The following CFAP54 variants were observed in gnomAD, a reference collection of about 807,000 sequenced individuals.
The protein encoded by CFAP54 is cilia- and flagella-associated protein 54.
CFAP54 carries 290 observed loss-of-function variants against 370.4 expected under a neutral mutation model. That is an observed-to-expected ratio of 0.78 (90% CI 0.71 to 0.86). CFAP54 has a LOEUF of 0.86. CFAP54 is among the 40% of genes least tolerant of loss of function. CFAP54 has a pLI of 0.00. For synonymous variants in CFAP54, 1,206 were observed against 1,236.5 expected, an observed-to-expected ratio of 0.98 and a Z score of 0.52; for missense variants, 3,399 against 3,528.7, an observed-to-expected ratio of 0.96 and a Z score of 0.93.
At chr12:96,859,631 T>C (rs1320014293) in intron 66 of CFAP54, among the ~76,000 whole-genome samples, 2 of 152,142 alleles carry the variant, frequency 1.3e-5, no homozygotes, top group East Asian at 1.9e-4. Context: ...GGTCTTGAAC[T>C]CCTGACCTTG....
chr12:96,699,246 G>A (rs1288635409), intron 45 of CFAP54, among the ~76,000 whole-genome samples: 1 of 152,200 alleles, frequency 6.6e-6, no homozygotes, highest in East Asian at 1.9e-4. Flanking sequence ...CCGCAGAAAA[G>A]GTGGGGGTTT....
At chr12:96,868,797 G>C (rs1417642303) in intron 67 of CFAP54, among the ~76,000 whole-genome samples, 1 of 151,934 alleles carries the variant, frequency 6.6e-6, no homozygotes, top group Non-Finnish European at 1.5e-5. Flanking sequence ...GCATTCACTG[G>C]GAGTCAACCA....
At position 96,489,840 on chromosome 12, in the gene CFAP54, G is replaced by A. The variant is rs535469302; in HGVS notation, c.231G>A (p.Lys77=). The change falls in exon 1 of 68, where the codon AAG becomes AAA. Residue 77 remains lysine, a synonymous_variant. Transcript: ENST00000524981. ...ACCCGCTCCTGGCCTCTTGTGAGAAGGAGATCCAGGAGTTGTTAGGCTTTA... is the reference window on the plus strand; with the variant it reads ...ACCCGCTCCTGGCCTCTTGTGAGAAAGAGATCCAGGAGTTGTTAGGCTTTA... ...AKNPLLASCE[K]EIQELLGFMR... The A allele has an allele frequency of 1.1e-5, 17 of 1,536,164 alleles. No individual in the cohort carries two copies. The South Asian group carries it at 1.9e-4, about 17-fold the overall frequency.
intron 23 of CFAP54, among the ~76,000 whole-genome samples, chr12:96,592,007 A>G (rs1486074445): frequency 6.6e-6 from 1 of 151,958 alleles, no homozygotes; most frequent in Non-Finnish European, 1.5e-5. Flanking sequence ...GTAATCGAAC[A>G]TGAATTTGTA....
chr12:96,797,967 A>G (rs147743983), intron 63 of CFAP54, among the ~76,000 whole-genome samples: 12 of 151,838 alleles, frequency 7.9e-5, no homozygotes, highest in Admixed American at 7.2e-4. Flanking sequence ...TTTCACTATA[A>G]GTTTTGAAAT....
intron 66 of CFAP54, among the ~76,000 whole-genome samples, chr12:96,837,851 G>A (rs911477873): frequency 6.6e-6 from 1 of 152,184 alleles, no homozygotes; most frequent in Non-Finnish European, 1.5e-5. Context: ...ACAGATTAGT[G>A]GGGGAGACAG....
intron 26 of CFAP54, among the ~76,000 whole-genome samples, chr12:96,618,271 A>G (rs531678241): frequency 6.6e-6 from 1 of 152,330 alleles, no homozygotes; most frequent in South Asian, 2.1e-4. Flanking sequence ...AAACCAATTC[A>G]GCTTATCGAC....
At chr12:96,517,393 T>C (rs1449559912) in intron 5 of CFAP54, among the ~76,000 whole-genome samples, 1 of 152,226 alleles carries the variant, frequency 6.6e-6, no homozygotes, top group Non-Finnish European at 1.5e-5. Context: ...GAACAATTGT[T>C]AACTGAAGCT....
intron 44 of CFAP54, among the ~76,000 whole-genome samples, chr12:96,692,885 A>G (rs1393378267): frequency 6.6e-6 from 1 of 152,120 alleles, no homozygotes; most frequent in Non-Finnish European, 1.5e-5. Flanking sequence ...CTTCCACTCC[A>G]TCTTCCTTTG....
intron 22 of CFAP54, among the ~76,000 whole-genome samples, chr12:96,583,718 G>C (rs1329384990): frequency 6.6e-6 from 1 of 152,204 alleles, no homozygotes; most frequent in Non-Finnish European, 1.5e-5. Context: ...TCAGGTAGCA[G>C]ATGTCAAGCC....
intron 66 of CFAP54, among the ~76,000 whole-genome samples, chr12:96,852,825 CAA>C: frequency 6.6e-6 from 1 of 152,074 alleles, no homozygotes; most frequent in South Asian, 2.1e-4. Context: ...TAAATTGGAC[CAA>C]AGACCTGTAC....
chr12:96,707,535 G>T (rs1304714689), intron 47 of CFAP54, among the ~76,000 whole-genome samples: 1 of 152,144 alleles, frequency 6.6e-6, no homozygotes, highest in African/African-American at 2.4e-5. Context: ...AGGAAAGAAT[G>T]GGGTAGTGGC....
intron 66 of CFAP54, among the ~76,000 whole-genome samples, chr12:96,858,852 C>A (rs1287672259): frequency 6.6e-6 from 1 of 152,204 alleles, no homozygotes; most frequent in Non-Finnish European, 1.5e-5. Flanking sequence ...CTATTCTTAT[C>A]AAACTACCAA....
rs1957711681 is a variant in CFAP54 at position 96,718,508 on chromosome 12, C to G, written c.6790C>G (p.Leu2264Val). 1 of 1,565,342 alleles carries G rather than the reference C, an allele frequency of 6.4e-7. No individual in the cohort carries two copies. The highest frequency in any genetic ancestry group is 1.4e-5 in the African/African-American group (1 of 73,802). ...TACAAAACTTAAAGATGAGATCACT[C>G]TTAGCATGCTAAAGGTAAGTTTGAA... Reference protein sequence around the residue: ...NLTKLKDEITLSMLKSMLLME... With the variant: ...NLTKLKDEITVSMLKSMLLME... Residue 2264 changes from leucine (L) to valine (V), a missense_variant, in exon 49 of 68, where the codon CTT (leucine) becomes GTT (valine). Physicochemically the swap from Leu to Val is conservative, Grantham distance 32. Coordinates refer to ENST00000524981, the MANE Select transcript of CFAP54 (RefSeq NM_001306084.2).
At chr12:96,788,940 G>T (rs946241295) in intron 62 of CFAP54, among the ~76,000 whole-genome samples, 9 of 152,164 alleles carry the variant, frequency 5.9e-5, no homozygotes, top group South Asian at 2.1e-4. Flanking sequence ...TCTGTGCCCA[G>T]ATTCTAAATC....
intron 17 of CFAP54, among the ~76,000 whole-genome samples, chr12:96,557,681 A>G (rs1473607286): frequency 6.6e-6 from 1 of 152,096 alleles, no homozygotes; most frequent in Admixed American, 6.6e-5. Context: ...GACTACATTC[A>G]GTGTGATGGG....
At chr12:96,639,214 C>A (rs1956696665) in intron 32 of CFAP54, among the ~76,000 whole-genome samples, 2 of 152,088 alleles carry the variant, frequency 1.3e-5, no homozygotes, top group South Asian at 4.1e-4. Context: ...AGAGAAGAAT[C>A]AAATGGACGC....
At chr12:96,599,385 C>A (rs1317215636) in intron 26 of CFAP54, among the ~76,000 whole-genome samples, 4 of 152,170 alleles carry the variant, frequency 2.6e-5, no homozygotes, top group Non-Finnish European at 5.9e-5. Flanking sequence ...ATATGTGCCA[C>A]ATGTTCTTTA....
intron 30 of CFAP54, among the ~76,000 whole-genome samples, chr12:96,628,025 C>T (rs991789424): frequency 3.9e-5 from 6 of 152,154 alleles, no homozygotes; most frequent in African/African-American, 1.2e-4. Flanking sequence ...TCGCCTACAG[C>T]GTTCAGTATA....
Sources: gnomAD v4.1 joint callset for allele counts (sites outside exome capture counted in the v4.1 genomes callset) on GRCh38, gnomAD v4.1.1 for gene constraint, MANE v1.5 for transcripts, NCBI Gene and HGNC (gene_info 2026-07-23, HGNC 2026-07-21) for gene names.